CFAP44: variants seen among roughly 807,000 people sequenced by gnomAD.
CFAP44 encodes cilia- and flagella-associated protein 44.
Under a neutral mutation model 216.2 loss-of-function variants are expected in CFAP44, and 134 were observed. That is an observed-to-expected ratio of 0.62 (90% CI 0.54 to 0.72). The LOEUF is 0.72. Ranked by LOEUF, CFAP44 falls within the 30% of genes least tolerant of loss-of-function variation. CFAP44 has a pLI of 0.00. For synonymous variants in CFAP44, 700 were observed against 727.6 expected (o/e 0.96, Z 0.61); for missense variants, 2,035 against 2,182.1 (o/e 0.93, Z 1.34).
At chr3:113,385,282 AC>A (rs917492481) in intron 15 of CFAP44, among the ~76,000 whole-genome samples, 2 of 152,214 alleles carry the variant, frequency 1.3e-5, no homozygotes, top group Non-Finnish European at 2.9e-5. Flanking sequence ...ACAGACTAAT[AC>A]AATTTCATTC....
intron 15 of CFAP44, among the ~76,000 whole-genome samples, chr3:113,383,481 G>A (rs1250871988): frequency 1.3e-5 from 2 of 152,086 alleles, no homozygotes; most frequent in African/African-American, 4.8e-5. Flanking sequence ...ACTATCACAT[G>A]GGGAATTTAG....
intron 10 of CFAP44, 121 bp from the exon 11 acceptor site, chr3:113,401,408 TTAAAGTATAATTGAAATTTAA>T (rs1934138197): frequency 8.3e-7 from 1 of 1,200,792 alleles, no homozygotes; most frequent in Non-Finnish European, 1.2e-6. Context: ...CACATATATT[TTAAAGTATAATTGAAATTTAA>T]TAAAAACAAC....
intron 31 of CFAP44, 126 bp downstream of exon 31, chr3:113,304,910 T>C (rs1297977559): frequency 1.4e-6 from 1 of 734,874 alleles, no homozygotes; most frequent in Non-Finnish European, 2.2e-6. Context: ...GGTGTCATTC[T>C]ACAGGTGGAA....
chr3:113,416,672 T>G (rs771800322), intron 5 of CFAP44, 45 bp from the exon 6 acceptor site: 2 of 1,365,918 alleles, frequency 1.5e-6, no homozygotes, highest in African/African-American at 1.5e-5. Flanking sequence ...GAAAGATTTT[T>G]GTATAAATAG....
At chr3:113,427,014 C>G (rs929915563) in intron 3 of CFAP44, 173 bp downstream of exon 3, 2 of 634,590 alleles carry the variant, frequency 3.2e-6, no homozygotes, top group Admixed American at 7.2e-5. Context: ...ATAAAAACCA[C>G]AAGTCTAGGG....
rs553809871 is a variant in CFAP44, at chr3:113,337,714, A to C, written c.3437+4030T>G. 1.3e-3 allele frequency among the ~76,000 whole-genome samples: 198 copies of C among 152,344 alleles called. 2 individuals carry two copies. In the Middle Eastern group the frequency reaches 0.017, roughly 13 times the overall value. On this transcript the variant is annotated intron_variant, in intron 24 of 34. Transcript: ENST00000393845. ...TCAAAGGAGGAAATGTCTTTTCAACAAAAATGCTAGAGTAATTGGACATCC... is the reference window on the plus strand; with the variant it reads ...TCAAAGGAGGAAATGTCTTTTCAACCAAAATGCTAGAGTAATTGGACATCC...
chr3:113,332,429 AT>A (rs1445429076), intron 25 of CFAP44, among the ~76,000 whole-genome samples: 5 of 152,202 alleles, frequency 3.3e-5, no homozygotes, highest in Non-Finnish European at 5.9e-5. Context: ...TCCTCAGGAC[AT>A]TTCATTTTCA....
At chr3:113,360,926 TAA>T (rs111698499) in intron 21 of CFAP44, 331 of 207,136 alleles carry the variant, frequency 1.6e-3, no homozygotes, top group South Asian at 4.8e-3. Flanking sequence ...GCTACTAATA[TAA>T]AAAAAAAAAA....
intron 28 of CFAP44, among the ~76,000 whole-genome samples, chr3:113,312,741 A>G (rs1950051905): frequency 6.6e-6 from 1 of 152,148 alleles, no homozygotes; most frequent in South Asian, 2.1e-4. Flanking sequence ...GCTGAAAGGG[A>G]AAAACATAGA....
Position 113,395,665 on chromosome 3 carries a change from T to C in CFAP44, c.1890+85A>G, listed in dbSNP as rs1286765746. ...GCAGGAACCAGGAGTGGGCTAAAAA[T>C]TCCACCTGCTATTTTCTATCTACAA... On this transcript the variant is annotated intron_variant, in intron 15 of 34. Coordinates refer to ENST00000393845, the MANE Select transcript of CFAP44 (RefSeq NM_001164496.2). 4 of 1,242,784 alleles carry C rather than the reference T, an allele frequency of 3.2e-6. No homozygotes were observed. In the East Asian group the frequency reaches 1.0e-4, roughly 31 times the overall value. The allele number at this position is 1,242,784 out of a possible 1,614,324, so 77.0% of individuals were successfully genotyped here.
chr3:113,396,464 A>C (rs1933992891), intron 14 of CFAP44, 54 bp downstream of exon 14: 1 of 1,561,580 alleles, frequency 6.4e-7, no homozygotes. Context: ...AGGACTTATA[A>C]GGCAATTTAA....
intron 15 of CFAP44, among the ~76,000 whole-genome samples, chr3:113,386,917 A>G (rs1414770094): frequency 1.3e-5 from 2 of 152,220 alleles, no homozygotes; most frequent in East Asian, 3.9e-4. Context: ...CTGCATCAGA[A>G]CACAGTGCTG....
intron 34 of CFAP44, 34 bp from the exon 35 acceptor site, chr3:113,291,782 C>T: frequency 6.5e-7 from 1 of 1,532,866 alleles, no homozygotes; most frequent in Non-Finnish European, 8.7e-7. Context: ...GTTGAAGCAT[C>T]ATTTGGCATG....
intron 18 of CFAP44, among the ~76,000 whole-genome samples, chr3:113,372,885 C>G (rs183102971): frequency 0.029 from 4,384 of 152,256 alleles, 108 homozygotes; most frequent in East Asian, 0.1. Context: ...TCTTGGAACT[C>G]TAGCCTCCAG....
At chr3:113,403,550 T>C (rs1934196868) in intron 9 of CFAP44, among the ~76,000 whole-genome samples, 1 of 152,250 alleles carries the variant, frequency 6.6e-6, no homozygotes, top group Non-Finnish European at 1.5e-5. Flanking sequence ...TTTGGAAGGA[T>C]ATGTGGGTCT....
rs182852629 is a variant in CFAP44 at position 113,322,993 on chromosome 3, G to A, written c.4516+3452C>T. On this transcript the variant is annotated intron_variant, in intron 28 of 34. Transcript: ENST00000393845. The stretch of plus-strand genomic sequence containing the variant: ...AGGAGAAGTGCAGAGTGAAGTTGGC[G>A]GCGGGGAAGCCCCTTATAAAGCCAT... Among the ~76,000 whole-genome samples the A allele has an allele frequency of 2.0e-3, 312 of 152,268 alleles. 1 individual carries two copies. Among genetic ancestry groups the A allele is most frequent in the African/African-American group, 7.0e-3 (289 of 41,550 alleles).
intron 22 of CFAP44, among the ~76,000 whole-genome samples, chr3:113,351,585 G>A (rs1198195452): frequency 6.6e-6 from 1 of 152,206 alleles, no homozygotes; most frequent in Non-Finnish European, 1.5e-5. Context: ...TGAGAAAGGA[G>A]GACTCTGAAC....
rs115613171 is a variant in CFAP44 at position 113,317,559 on chromosome 3, A to G, written c.4516+8886T>C. Among the ~76,000 whole-genome samples, 290 of 152,312 alleles carry G rather than the reference A, an allele frequency of 1.9e-3. 2 individuals carry two copies. The highest frequency in any genetic ancestry group is 5.7e-3 in the African/African-American group (237 of 41,556). On this transcript the variant is annotated intron_variant, in intron 28 of 34. Transcript: ENST00000393845. Reference sequence around the variant, plus strand: ...GCACCTGAGTAGTTTCCTGGCAACCACGAAGCAAATTGGATCCCCCAGTGC... The same window carrying G: ...GCACCTGAGTAGTTTCCTGGCAACCGCGAAGCAAATTGGATCCCCCAGTGC...
chr3:113,425,600 T>G (rs919440712), intron 4 of CFAP44, among the ~76,000 whole-genome samples: 1 of 152,220 alleles, frequency 6.6e-6, no homozygotes, highest in Non-Finnish European at 1.5e-5. Context: ...GACACATAAG[T>G]GTTTCAAGAA....
Sources: allele counts gnomAD v4.1 joint callset (sites outside exome capture counted in the v4.1 genomes callset), GRCh38; gene constraint gnomAD v4.1.1; transcripts MANE v1.5; gene names NCBI Gene and HGNC (gene_info 2026-07-23, HGNC 2026-07-21).